SUPT3H: variants seen among roughly 807,000 people sequenced by gnomAD.
The protein encoded by SUPT3H is SPT3 homolog, SAGA and STAGA complex component.
In SUPT3H, 44 loss-of-function variants were observed where a neutral mutation model predicts 44.3. That is an observed-to-expected ratio of 0.99 (90% CI 0.78 to 1.28). The LOEUF (loss-of-function observed/expected upper bound fraction) is 1.28, where lower values mean the gene tolerates loss of function less well. Ranked by LOEUF, SUPT3H falls within the 50% of genes most tolerant of loss-of-function variation. SUPT3H has a pLI of 0.00. For synonymous variants in SUPT3H, 124 were observed against 125.6 expected (o/e 0.99, Z 0.09); for missense variants, 380 against 387.1 (o/e 0.98, Z 0.15).
At position 44,911,537 on chromosome 6, in the gene SUPT3H, C is replaced by T. The variant is rs531397504; in HGVS notation, c.912+21116G>A. On this transcript the variant is annotated intron_variant, in intron 10 of 10. Coordinates refer to ENST00000371459, the MANE Select transcript of SUPT3H (RefSeq NM_003599.4). ...GCTGTATTAGTACCATCATGATGGT[C>T]TTGCCCTTCAGATGATTTTAAATTT... Among the ~76,000 whole-genome samples, 6 of 152,232 alleles carry T rather than the reference C, an allele frequency of 3.9e-5. No individual in the cohort carries two copies. In the South Asian group the frequency reaches 8.3e-4, roughly 21 times the overall value.
At chr6:45,217,340 C>T (rs894857474) in intron 2 of SUPT3H, among the ~76,000 whole-genome samples, 4 of 151,572 alleles carry the variant, frequency 2.6e-5, no homozygotes, top group East Asian at 1.9e-4. Flanking sequence ...CCAGGTGTAG[C>T]GGTGCGCGTC....
At chr6:44,909,554 T>C (rs550627181) in intron 10 of SUPT3H, among the ~76,000 whole-genome samples, 2 of 152,362 alleles carry the variant, frequency 1.3e-5, no homozygotes, top group East Asian at 3.9e-4. Flanking sequence ...TACTAATATA[T>C]AACAATTATC....
intron 10 of SUPT3H, among the ~76,000 whole-genome samples, chr6:44,905,228 C>T (rs1340252464): frequency 6.6e-6 from 1 of 152,114 alleles, no homozygotes; most frequent in Non-Finnish European, 1.5e-5. Flanking sequence ...TCAGAGTGAA[C>T]AGGCAACCTA....
At chr6:45,175,279 AT>A (rs1339514209) in intron 2 of SUPT3H, among the ~76,000 whole-genome samples, 3 of 152,126 alleles carry the variant, frequency 2.0e-5, no homozygotes, top group Non-Finnish European at 4.4e-5. Context: ...AGACTGAGTA[AT>A]TTACAAAGGA....
At chr6:45,012,695 T>C (rs940403999) in intron 5 of SUPT3H, among the ~76,000 whole-genome samples, 2 of 152,130 alleles carry the variant, frequency 1.3e-5, no homozygotes, top group Non-Finnish European at 2.9e-5. Context: ...TTTGTCTCCT[T>C]TTTATTGTTC....
intron 2 of SUPT3H, among the ~76,000 whole-genome samples, chr6:45,112,246 GA>G (rs1357542054): frequency 2.0e-5 from 3 of 151,752 alleles, no homozygotes; most frequent in Non-Finnish European, 4.4e-5. Context: ...TAAACTGTGG[GA>G]AAATCATGAA....
intron 3 of SUPT3H, among the ~76,000 whole-genome samples, chr6:45,025,471 C>T (rs1785824637): frequency 6.6e-6 from 1 of 152,168 alleles, no homozygotes; most frequent in Non-Finnish European, 1.5e-5. Flanking sequence ...TTCAGTTTTT[C>T]AATTTAAATG....
chr6:45,179,185 G>C (rs1472433510), intron 2 of SUPT3H, among the ~76,000 whole-genome samples: 1 of 152,160 alleles, frequency 6.6e-6, no homozygotes, highest in Non-Finnish European at 1.5e-5. Context: ...CCAGGAAGAA[G>C]TTGAATCTCT....
intron 2 of SUPT3H, among the ~76,000 whole-genome samples, chr6:45,336,365 T>C (rs1788553569): frequency 6.6e-6 from 1 of 151,386 alleles, no homozygotes; most frequent in African/African-American, 2.4e-5. Flanking sequence ...CCAATAGGAC[T>C]AGAGAAAACA....
intron 10 of SUPT3H, among the ~76,000 whole-genome samples, chr6:44,904,109 G>C (rs185641515): frequency 0.12 from 18,308 of 152,164 alleles, 1,445 homozygotes; most frequent in East Asian, 0.27. Flanking sequence ...CATTCCCTTT[G>C]AAAACTGGCA....
At chr6:44,935,390 C>T (rs578238522) in intron 9 of SUPT3H, among the ~76,000 whole-genome samples, 3 of 152,210 alleles carry the variant, frequency 2.0e-5, no homozygotes, top group South Asian at 2.1e-4. Context: ...GCTATAAACA[C>T]GTGTGAAGAG....
chr6:45,302,132 G>A (rs934246736), intron 2 of SUPT3H, among the ~76,000 whole-genome samples: 11 of 152,020 alleles, frequency 7.2e-5, no homozygotes, highest in East Asian at 3.9e-4. Context: ...TAGGCTTTGC[G>A]GGGGAAAGGT....
intron 10 of SUPT3H, among the ~76,000 whole-genome samples, chr6:44,904,586 C>A (rs1420125543): frequency 6.6e-6 from 1 of 152,138 alleles, no homozygotes; most frequent in African/African-American, 2.4e-5. Flanking sequence ...TGAAAATGGC[C>A]ATACTGCCCA....
chr6:45,040,747 GTAAT>G (rs1420748344), intron 3 of SUPT3H, among the ~76,000 whole-genome samples: 1 of 152,136 alleles, frequency 6.6e-6, no homozygotes, highest in Non-Finnish European at 1.5e-5. Flanking sequence ...TTTAACATGT[GTAAT>G]TAATTAAATA....
chr6:45,283,526 G>A (rs1226111229), intron 2 of SUPT3H, among the ~76,000 whole-genome samples: 2 of 152,074 alleles, frequency 1.3e-5, no homozygotes, highest in Non-Finnish European at 2.9e-5. Flanking sequence ...AATTCAACAA[G>A]AAGAGCTAAC....
rs148778165 is a variant in SUPT3H, at chr6:44,839,989, C to T, written c.913-10132G>A. The stretch of plus-strand genomic sequence containing the variant: ...TGCTGGGATTACAGGCGTGAGCCAC[C>T]GCACCCAGCCCAGCACCAGTTTTTG... On this transcript the variant is annotated intron_variant, in intron 10 of 10. Transcript: ENST00000371459. Among the ~76,000 whole-genome samples the T allele has an allele frequency of 5.3e-3, 800 of 151,726 alleles. 5 individuals carry two copies. Among genetic ancestry groups the T allele is most frequent in the African/African-American group, 0.018 (742 of 41,358 alleles).
intron 2 of SUPT3H, among the ~76,000 whole-genome samples, chr6:45,332,580 T>C (rs1787733363): frequency 6.6e-6 from 1 of 151,818 alleles, no homozygotes; most frequent in African/African-American, 2.4e-5. Context: ...TCTAAGTCAA[T>C]AGTGAAGTCA....
chr6:45,312,987 C>A (rs1205639425), intron 2 of SUPT3H, among the ~76,000 whole-genome samples: 1 of 152,070 alleles, frequency 6.6e-6, no homozygotes, highest in African/African-American at 2.4e-5. Flanking sequence ...CAAAAGGAAC[C>A]CTCAAAACCA....
chr6:44,892,264 G>C (rs1763426046), intron 10 of SUPT3H, among the ~76,000 whole-genome samples: 1 of 152,108 alleles, frequency 6.6e-6, no homozygotes, highest in African/African-American at 2.4e-5. Flanking sequence ...TTAGGGCTCT[G>C]ACTTTACAGG....
Sources: gnomAD v4.1 joint callset for allele counts (sites outside exome capture counted in the v4.1 genomes callset) on GRCh38, gnomAD v4.1.1 for gene constraint, MANE v1.5 for transcripts, NCBI Gene and HGNC (gene_info 2026-07-23, HGNC 2026-07-21) for gene names.